Variants in DCST1 observed in about 807,000 individuals in gnomAD.
The protein encoded by DCST1 is DC-STAMP domain containing 1, also known as E3 ubiquitin-protein ligase DCST1.
Under a neutral mutation model 89.1 loss-of-function variants are expected in DCST1, and 78 were observed. The ratio of observed to expected loss-of-function variants is 0.88; its 90% CI spans 0.73 to 1.06. DCST1 has a LOEUF of 1.06. DCST1 is among the 50% of genes least tolerant of loss of function. DCST1 has a pLI of 0.00. For synonymous variants in DCST1, 364 were observed against 371.9 expected, an observed-to-expected ratio of 0.98 and a Z score of 0.24; for missense variants, 900 against 928.6, an observed-to-expected ratio of 0.97 and a Z score of 0.40.
chr1:155,047,351 G>A (rs762078247), intron 14 of DCST1, 39 bp downstream of exon 14: 2 of 1,570,480 alleles, frequency 1.3e-6, no homozygotes, highest in Non-Finnish European at 8.7e-7. Flanking sequence ...GGAATCGAGG[G>A]CGGTGGGGCA....
chr1:155,049,594 A>C (rs1660799489), intron 16 of DCST1, among the ~76,000 whole-genome samples: 1 of 152,128 alleles, frequency 6.6e-6, no homozygotes, highest in Non-Finnish European at 1.5e-5. Flanking sequence ...TAGAATTGAA[A>C]TAATTTATGT....
At chr1:155,035,755 C>A (rs1436139618) in intron 4 of DCST1, among the ~76,000 whole-genome samples, 1 of 151,842 alleles carries the variant, frequency 6.6e-6, no homozygotes. Flanking sequence ...CATGGTGAAA[C>A]CCTGTCTCCA....
intron 4 of DCST1, among the ~76,000 whole-genome samples, chr1:155,035,672 G>A (rs1660258035): frequency 2.6e-5 from 4 of 152,122 alleles, no homozygotes; most frequent in Admixed American, 2.6e-4. Context: ...GCTCACGCCT[G>A]TAATCCCAGC....
chr1:155,042,967 A>C, intron 9 of DCST1, 111 bp downstream of exon 9: 3 of 1,131,306 alleles, frequency 2.7e-6, no homozygotes, highest in Non-Finnish European at 3.6e-6. Flanking sequence ...AGAGGTGACC[A>C]GGGGTGAGGG....
Position 155,039,538 on chromosome 1 carries a change from A to G in DCST1, c.391+7A>G. The stretch of plus-strand genomic sequence containing the variant: ...TTGGCTGCCATCTATGTGGGTGAGT[A>G]TGTGGGGGCCAGTGAGTTACACTGA... On this transcript the variant is annotated splice_region_variant and intron_variant, in intron 5 of 16. Transcript: ENST00000295542. 1 of 1,579,022 alleles carries G rather than the reference A, an allele frequency of 6.3e-7. No homozygotes were observed. Among genetic ancestry groups the G allele is most frequent in the Non-Finnish European group, 8.6e-7 (1 of 1,161,270 alleles).
Position 155,042,794 on chromosome 1 carries a change from G to A in DCST1, c.952G>A (p.Asp318Asn), listed in dbSNP as rs928787027. Residue 318 changes from aspartate to asparagine, a missense_variant, in exon 9 of 17, where the codon GAC becomes AAC. By Grantham distance (23) the Asp-to-Asn change is conservative. Transcript: ENST00000295542. ...PVEGNFGQTY[D>N]SLNQSIRGLD... ...GGAAGGCAACTTTGGGCAGACCTACGACTCCCTCAACCAGTCTATTCGTGG... is the reference window on the plus strand; with the variant it reads ...GGAAGGCAACTTTGGGCAGACCTACAACTCCCTCAACCAGTCTATTCGTGG... 12 of 1,614,096 alleles carry A rather than the reference G, an allele frequency of 7.4e-6. No individual in the cohort carries two copies. Among genetic ancestry groups the A allele is most frequent in the Middle Eastern group, 1.6e-4 (1 of 6,084 alleles).
At chr1:155,043,265 G>A (rs1660489510) in intron 9 of DCST1, 87 bp from the exon 10 acceptor site, 2 of 1,591,742 alleles carry the variant, frequency 1.3e-6, no homozygotes, top group Admixed American at 1.7e-5. Context: ...CACAAGTGGG[G>A]TACTGGGGAA....
intron 14 of DCST1, 113 bp from the exon 15 acceptor site, chr1:155,047,674 G>T: frequency 1.1e-6 from 1 of 929,950 alleles, no homozygotes; most frequent in Non-Finnish European, 1.6e-6. Flanking sequence ...GCAGGCAGGA[G>T]GAGAGCAGGG....
At chr1:155,041,669 G>A in intron 7 of DCST1, 45 bp from the exon 8 acceptor site, 1 of 1,614,008 alleles carries the variant, frequency 6.2e-7, no homozygotes, top group South Asian at 1.1e-5. Flanking sequence ...CCAGCATTGT[G>A]GATCAAGATG....
Position 155,041,491 on chromosome 1 carries a change from C to T in DCST1, c.626C>T (p.Pro209Leu). Residue 209 changes from proline to leucine, a missense_variant, in exon 7 of 17, where the codon CCT (proline) becomes CTT (leucine). Pro to Leu is a moderately conservative substitution (Grantham distance 98). Transcript: ENST00000295542. ...GTGAATAGTGAGACGGGCTACACGC[C>T]TGAGGATACCATGGACTCAGGGGAG... is the stretch of plus-strand genomic sequence containing the variant. ...AQVNSETGYTPEDTMDSGETA... is the reference protein window; with the variant it reads ...AQVNSETGYTLEDTMDSGETA... 6.2e-7 allele frequency: 1 copy of T among 1,614,082 alleles called. No individual in the cohort carries two copies. The highest frequency in any genetic ancestry group is 2.2e-5 in the East Asian group (1 of 44,886).
chr1:155,050,876 T>A lies in DCST1; in HGVS notation c.*8T>A. 3 of 1,606,256 alleles carry A rather than the reference T, an allele frequency of 1.9e-6. No individual in the cohort carries two copies. The highest frequency in any genetic ancestry group is 1.3e-5 in the African/African-American group (1 of 74,900). On this transcript the variant is annotated 3_prime_UTR_variant, in exon 17 of 17. Coordinates refer to ENST00000295542, the MANE Select transcript of DCST1 (RefSeq NM_152494.4). ...ACTGCCTACGCGGGGTGAAGAGGCG[T>A]CCTGCTCGCTCTTCCGCACCGTCCT...
chr1:155,041,301 C>T, intron 6 of DCST1, 96 bp from the exon 7 acceptor site: 1 of 1,334,740 alleles, frequency 7.5e-7, no homozygotes. Flanking sequence ...GGGGTGAGAA[C>T]CCAAAGCTTG....
chr1:155,048,986 T>C, intron 16 of DCST1: 1 of 716,818 alleles, frequency 1.4e-6, no homozygotes, highest in Non-Finnish European at 2.6e-6. Flanking sequence ...TGTGTCACCT[T>C]GGCCAAGGTC....
At chr1:155,049,089 A>G (rs1424048355) in intron 16 of DCST1, 1 of 717,038 alleles carries the variant, frequency 1.4e-6, no homozygotes, top group South Asian at 1.5e-5. Flanking sequence ...AGTGGTGGTC[A>G]GGTGTGGGAC....
chr1:155,041,413 T>A lies in DCST1; in HGVS notation c.548T>A (p.Leu183Gln), dbSNP rs759436166. 4.3e-6 allele frequency: 7 copies of A among 1,613,760 alleles called. No individual in the cohort carries two copies. In the African/African-American group the frequency reaches 9.3e-5, roughly 22 times the overall value. ...FKDLLSSKEL[L>Q]RAETRNISAT... is the part of the protein sequence containing the mutation. Reference sequence around the variant, plus strand: ...CAATCCCAGAGTAGCAAAGAATTGCTGAGAGCAGAGACTCGGAACATCTCC... The same window carrying A: ...CAATCCCAGAGTAGCAAAGAATTGCAGAGAGCAGAGACTCGGAACATCTCC... The change falls in exon 7 of 17, where the codon CTG becomes CAG. Residue 183 changes from leucine (L) to glutamine (Q), a missense_variant. By Grantham distance (113) the Leu-to-Gln change is moderately radical. Coordinates refer to ENST00000295542, the MANE Select transcript of DCST1 (RefSeq NM_152494.4).
At chr1:155,050,587 G>A (rs915616518) in intron 16 of DCST1, 30 bp from the exon 17 acceptor site, 8 of 1,547,518 alleles carry the variant, frequency 5.2e-6, no homozygotes, top group Non-Finnish European at 7.0e-6. Flanking sequence ...CCTCGCTCCC[G>A]GGCTGGCGCT....
intron 3 of DCST1, 29 bp from the exon 4 acceptor site, chr1:155,034,624 T>G: frequency 6.2e-7 from 1 of 1,614,198 alleles, no homozygotes; most frequent in African/African-American, 1.3e-5. Flanking sequence ...ACCCATCTTT[T>G]GGCCTTTGGC....
In DCST1 at chr1:155,043,442, C is replaced by A; in HGVS notation, c.1105C>A (p.Arg369=). The A allele has an allele frequency of 6.2e-7, 1 of 1,613,144 alleles. No individual in the cohort carries two copies. ...VRDYVYRQEA[R]LEWALGLLHV... is the part of the protein sequence containing the mutation. ...GGACTACGTGTACCGCCAGGAGGCC[C>A]GGCTGGAGTGGGCCCTGGGGCTGCT... Residue 369 remains arginine, a synonymous_variant, in exon 10 of 17, where the codon CGG becomes AGG. Transcript: ENST00000295542.
rs1660434194 is a variant in DCST1, at chr1:155,041,337, GGCA to G, written c.532-55_532-53del. The G allele has an allele frequency of 3.2e-6, 5 of 1,574,228 alleles. No individual in the cohort carries two copies. The African/African-American group carries it at 5.4e-5, about 17-fold the overall frequency. On this transcript the variant is annotated intron_variant, in intron 6 of 16. Transcript: ENST00000295542. ...GCTACTGGGGGAGGACAGGCCCTCA[GGCA>G]GCAGAAGTTCTAAAGCCCCAGCCCT... is the stretch of plus-strand genomic sequence containing the variant.
Sources: allele counts gnomAD v4.1 joint callset (sites outside exome capture counted in the v4.1 genomes callset), GRCh38; gene constraint gnomAD v4.1.1; transcripts MANE v1.5; gene names NCBI Gene and HGNC (gene_info 2026-07-23, HGNC 2026-07-21).